CREB5: variants seen among roughly 807,000 people sequenced by gnomAD.
The protein encoded by CREB5 is cAMP responsive element binding protein 5.
CREB5 carries 19 observed loss-of-function variants against 57.1 expected under a neutral mutation model. The ratio of observed to expected loss-of-function variants is 0.33; its 90% confidence interval spans 0.23 to 0.49. The LOEUF (loss-of-function observed/expected upper bound fraction) is 0.49. Among genes scored for constraint, CREB5 ranks in the 20% least tolerant of loss-of-function variants. The pLI, the probability that CREB5 is intolerant of heterozygous loss-of-function variation, is 0.99. For synonymous variants in CREB5, 238 were observed against 238.3 expected (o/e 1.00, Z 0.01); for missense variants, 579 against 671.6 (o/e 0.86, Z 1.52).
chr7:28,785,432 T>A (rs1807265568), intron 7 of CREB5, among the ~76,000 whole-genome samples: 1 of 152,236 alleles, frequency 6.6e-6, no homozygotes, highest in African/African-American at 2.4e-5. Flanking sequence ...GGAGCTCTTC[T>A]CCAGAGCATA....
intron 7 of CREB5, among the ~76,000 whole-genome samples, chr7:28,772,710 A>C (rs1253184860): frequency 1.3e-5 from 2 of 152,150 alleles, no homozygotes; most frequent in Non-Finnish European, 2.9e-5. Context: ...GAACACTAGC[A>C]CTCATTTTTT....
At chr7:28,360,490 A>T (rs1786452547) in intron 1 of CREB5, among the ~76,000 whole-genome samples, 1 of 152,170 alleles carries the variant, frequency 6.6e-6, no homozygotes, top group Admixed American at 6.6e-5. Flanking sequence ...CATGTTTTAG[A>T]TTCACTTATA....
chr7:28,300,039 C>G (rs1562646786), intron 1 of CREB5, among the ~76,000 whole-genome samples: 1 of 149,134 alleles, frequency 6.7e-6, no homozygotes, highest in Non-Finnish European at 1.5e-5. Flanking sequence ...GTTATTTATA[C>G]TGCTTTTTAG....
chr7:28,403,260 T>C (rs1029456961), intron 1 of CREB5, among the ~76,000 whole-genome samples: 19 of 152,212 alleles, frequency 1.2e-4, no homozygotes, highest in Admixed American at 6.5e-5. Context: ...GCCAGTTGGA[T>C]TGATTCCTCC....
At position 28,710,498 on chromosome 7, in the gene CREB5, T is replaced by C. The variant is rs1583591742; in HGVS notation, c.465-8255T>C. Among the ~76,000 whole-genome samples the C allele has an allele frequency of 3.9e-5, 6 of 152,244 alleles. No homozygotes were observed. The South Asian group carries it at 1.2e-3, about 32-fold the overall frequency. Reference sequence around the variant, plus strand: ...GACATTTTTAAAAATTACTCAAAATTAATGAATTGCTAGATGCTATGGTGA... The same window carrying C: ...GACATTTTTAAAAATTACTCAAAATCAATGAATTGCTAGATGCTATGGTGA... On this transcript the variant is annotated intron_variant, in intron 5 of 10. Coordinates refer to ENST00000357727, the MANE Select transcript of CREB5 (RefSeq NM_182898.4).
At chr7:28,421,645 G>T (rs1222198032) in intron 1 of CREB5, among the ~76,000 whole-genome samples, 1 of 151,890 alleles carries the variant, frequency 6.6e-6, no homozygotes, top group African/African-American at 2.4e-5. Context: ...GCTTGGATCT[G>T]GGTGAGCCCT....
Position 28,412,886 on chromosome 7 carries a change from A to G in CREB5, c.-29A>G. 6.7e-7 allele frequency: 1 copy of G among 1,490,698 alleles called. No individual in the cohort carries two copies. Among genetic ancestry groups the G allele is most frequent in the Non-Finnish European group, 8.9e-7 (1 of 1,117,712 alleles). The allele number at this position is 1,490,698 out of a possible 1,614,324, so 92.3% of individuals were successfully genotyped here. A position where few individuals can be genotyped will look rare whatever the true frequency, so the allele number is the denominator to read the frequency against. On this transcript the variant is annotated 5_prime_UTR_variant, in exon 1 of 11. Transcript: ENST00000357727. ...ACTTGATTTGGTGACTGCAGGAAGC[A>G]ACACGTTGCTGCTTTTATTCTACAG...
intron 7 of CREB5, among the ~76,000 whole-genome samples, chr7:28,762,895 C>G (rs1805744446): frequency 6.6e-6 from 1 of 152,080 alleles, no homozygotes; most frequent in Non-Finnish European, 1.5e-5. Flanking sequence ...ACTCTTGGCT[C>G]TAATCATTGT....
At chr7:28,601,716 T>G (rs555526740) in intron 5 of CREB5, among the ~76,000 whole-genome samples, 70 of 152,280 alleles carry the variant, frequency 4.6e-4, no homozygotes, top group Middle Eastern at 3.4e-3. Flanking sequence ...ACTGGAAACA[T>G]TTCAGCATAT....
chr7:28,411,999 A>G (rs1296924623), upstream of CREB5, among the ~76,000 whole-genome samples: 1 of 152,228 alleles, frequency 6.6e-6, no homozygotes. Context: ...GTGATTAATG[A>G]TCAGTGATTT....
At chr7:28,434,299 A>G (rs1207549523) in intron 1 of CREB5, among the ~76,000 whole-genome samples, 2 of 152,200 alleles carry the variant, frequency 1.3e-5, no homozygotes, top group African/African-American at 4.8e-5. Context: ...TTCTCTGAAA[A>G]TGTAATTACT....
At chr7:28,369,236 T>A (rs778715382) in intron 1 of CREB5, among the ~76,000 whole-genome samples, 8 of 152,190 alleles carry the variant, frequency 5.3e-5, no homozygotes, top group Non-Finnish European at 1.2e-4. Flanking sequence ...ATTTTTACTG[T>A]TTGCTACAGT....
At chr7:28,805,347 A>G (rs1038004711) in intron 8 of CREB5, among the ~76,000 whole-genome samples, 2 of 152,154 alleles carry the variant, frequency 1.3e-5, no homozygotes, top group Admixed American at 6.5e-5. Flanking sequence ...GATGAAGGGC[A>G]TGTCCAGGAG....
At chr7:28,603,420 A>G (rs1431893947) in intron 5 of CREB5, among the ~76,000 whole-genome samples, 1 of 152,188 alleles carries the variant, frequency 6.6e-6, no homozygotes, top group Non-Finnish European at 1.5e-5. Flanking sequence ...TTTTGATCAC[A>G]TTGAAAGTAA....
intron 5 of CREB5, among the ~76,000 whole-genome samples, chr7:28,663,444 A>G (rs573855559): frequency 2.2e-4 from 33 of 152,106 alleles, no homozygotes; most frequent in African/African-American, 7.5e-4. Flanking sequence ...GGCTCAAGAG[A>G]TGCACCCTGC....
At chr7:28,429,319 C>T (rs1460702814) in intron 1 of CREB5, among the ~76,000 whole-genome samples, 1 of 152,160 alleles carries the variant, frequency 6.6e-6, no homozygotes, top group Non-Finnish European at 1.5e-5. Context: ...AGCCACTGTG[C>T]CCGTCCTAAA....
rs150552949 is a variant in CREB5 at position 28,612,309 on chromosome 7, T to C, written c.464+41772T>C. 1.4e-3 allele frequency among the ~76,000 whole-genome samples: 209 copies of C among 152,220 alleles called. 1 individual carries two copies. Among genetic ancestry groups the C allele is most frequent in the African/African-American group, 4.5e-3 (185 of 41,540 alleles). ...CAATCAGAATGTCTGTTTGCAGGTC[T>C]CAGTGGTCCTATATGGGCAACACCT... is the stretch of plus-strand genomic sequence containing the variant. On this transcript the variant is annotated intron_variant, in intron 5 of 10. Coordinates refer to ENST00000357727, the MANE Select transcript of CREB5 (RefSeq NM_182898.4).
chr7:28,772,934 T>TAA (rs1447993935), intron 7 of CREB5, among the ~76,000 whole-genome samples: 1 of 152,166 alleles, frequency 6.6e-6, no homozygotes, highest in Admixed American at 6.5e-5. Context: ...GCAGCTCTCG[T>TAA]AACCTCCTAG....
intron 5 of CREB5, among the ~76,000 whole-genome samples, chr7:28,674,374 G>C (rs1228337855): frequency 6.6e-6 from 1 of 152,222 alleles, no homozygotes; most frequent in Admixed American, 6.5e-5. Flanking sequence ...GTCATCTGAA[G>C]TGACTGTTGT....
Sources: gnomAD v4.1 joint callset for allele counts (sites outside exome capture counted in the v4.1 genomes callset) on GRCh38, gnomAD v4.1.1 for gene constraint, MANE v1.5 for transcripts, NCBI Gene and HGNC (gene_info 2026-07-23, HGNC 2026-07-21) for gene names.